IFNGR1: variants seen among roughly 807,000 people sequenced by gnomAD.
The protein encoded by IFNGR1 is AVP, type 2.
A neutral mutation model predicts 35.4 loss-of-function variants in IFNGR1; 23 were observed. The observed-to-expected ratio is 0.65, with a 90% CI of 0.47 to 0.92. The LOEUF is 0.92. Among genes scored for constraint, IFNGR1 ranks in the 40% least tolerant of loss-of-function variants. The pLI is 0.00. For synonymous variants in IFNGR1, 199 were observed against 209.5 expected (o/e 0.95, Z 0.43); for missense variants, 533 against 583.4 (o/e 0.91, Z 0.89).
intron 3 of IFNGR1, 39 bp downstream of exon 3, chr6:137,206,097 T>C (rs1331638679): frequency 6.6e-7 from 1 of 1,519,014 alleles, no homozygotes; most frequent in East Asian, 2.3e-5. Flanking sequence ...TATAAATATT[T>C]TCCAATTTAA....
chr6:137,208,748 A>G (rs938670002), intron 1 of IFNGR1, among the ~76,000 whole-genome samples: 1 of 152,166 alleles, frequency 6.6e-6, no homozygotes, highest in Non-Finnish European at 1.5e-5. Context: ...CTCATGGAGA[A>G]CCTCTGCTAG....
At chr6:137,204,561 A>C (rs1779384463) in intron 3 of IFNGR1, 57 bp from the exon 4 acceptor site, 5 of 1,312,638 alleles carry the variant, frequency 3.8e-6, no homozygotes, top group South Asian at 1.2e-5. Context: ...TAAATGGTAC[A>C]TTTCATAAAA....
At position 137,197,517 on chromosome 6, in the gene IFNGR1, A is replaced by G. The variant is rs1361935379; in HGVS notation, c.*514T>C. ...AAAATTCTTTATTTAAAAATCTCTA[A>G]CTGTAATGTTTCATAAAAAATATAC... On this transcript the variant is annotated 3_prime_UTR_variant, in exon 7 of 7. Transcript: ENST00000367739. 6.6e-6 allele frequency: 1 copy of G among 152,564 alleles called. No homozygotes were observed. The highest frequency in any genetic ancestry group is 2.4e-5 in the African/African-American group (1 of 41,376). The allele number at this position is 152,564 out of a possible 1,614,324, so 9.5% of individuals were successfully genotyped here. A position where few individuals can be genotyped will look rare whatever the true frequency, so the allele number is the denominator to read the frequency against.
chr6:137,200,740 T>C, intron 6 of IFNGR1, 141 bp downstream of exon 6: 1 of 724,310 alleles, frequency 1.4e-6, no homozygotes, highest in East Asian at 2.9e-5. Flanking sequence ...GTATGTGATT[T>C]TGCATGTGTG....
At chr6:137,200,541 A>C (rs1370738939) in intron 6 of IFNGR1, among the ~76,000 whole-genome samples, 1 of 152,004 alleles carries the variant, frequency 6.6e-6, no homozygotes, top group African/African-American at 2.4e-5. Flanking sequence ...GACTAACCCC[A>C]CCCCAAAGCT....
chr6:137,217,488 T>A (rs909946983), intron 1 of IFNGR1, among the ~76,000 whole-genome samples: 1 of 152,190 alleles, frequency 6.6e-6, no homozygotes, highest in Non-Finnish European at 1.5e-5. Context: ...TGAACCTAGC[T>A]GGGCAAATCA....
chr6:137,214,280 G>C (rs1437238237), intron 1 of IFNGR1, among the ~76,000 whole-genome samples: 1 of 152,086 alleles, frequency 6.6e-6, no homozygotes, highest in African/African-American at 2.4e-5. Flanking sequence ...ACCAAATCAA[G>C]GCCTTTGTAT....
intron 1 of IFNGR1, among the ~76,000 whole-genome samples, chr6:137,209,512 A>G (rs1282415080): frequency 6.6e-6 from 1 of 152,072 alleles, no homozygotes; most frequent in African/African-American, 2.4e-5. Context: ...ATAGTGAGTA[A>G]GTCTCACGAG....
At chr6:137,198,669 A>G (rs1340343452) in intron 6 of IFNGR1, 30 bp from the exon 7 acceptor site, 2 of 1,578,632 alleles carry the variant, frequency 1.3e-6, no homozygotes, top group Non-Finnish European at 1.7e-6. Flanking sequence ...TTAAAGATAA[A>G]AAATTGTTAA....
intron 5 of IFNGR1, among the ~76,000 whole-genome samples, chr6:137,201,305 A>G (rs1374638826): frequency 6.6e-6 from 1 of 152,184 alleles, no homozygotes; most frequent in Non-Finnish European, 1.5e-5. Context: ...CCCTACATAC[A>G]GTGTGTTTCC....
In IFNGR1 at chr6:137,197,818, C is replaced by CTTTTTT; in HGVS notation, c.*207_*212dup. On this transcript the variant is annotated 3_prime_UTR_variant, in exon 7 of 7. Coordinates refer to ENST00000367739, the MANE Select transcript of IFNGR1 (RefSeq NM_000416.3). ...ATGTAAAGGTTCATAAGTTACAATGCTTTTTTTGTTTAAAAAAAAAAAAAA... is the reference window on the plus strand; with the variant it reads ...ATGTAAAGGTTCATAAGTTACAATGCTTTTTTTTTTTTTGTTTAAAAAAAAAAAAAA... 3 of 541,858 alleles carry CTTTTTT rather than the reference C, an allele frequency of 5.5e-6. No individual in the cohort carries two copies. Among genetic ancestry groups the CTTTTTT allele is most frequent in the Non-Finnish European group, 3.2e-6 (1 of 312,482 alleles). The allele number at this position is 541,858 out of a possible 1,614,324, so 33.6% of individuals were successfully genotyped here. A position where few individuals can be genotyped will look rare whatever the true frequency, so the allele number is the denominator to read the frequency against.
At chr6:137,216,426 GCA>G (rs1779697988) in intron 1 of IFNGR1, among the ~76,000 whole-genome samples, 1 of 152,196 alleles carries the variant, frequency 6.6e-6, no homozygotes, top group Admixed American at 6.5e-5. Flanking sequence ...TGATTAAGTG[GCA>G]CACACAGATT....
rs768232887 is a variant in IFNGR1, at chr6:137,219,251, G to A, written c.77C>T (p.Pro26Leu). The change falls in exon 1 of 7, where the codon CCG (proline) becomes CTG (leucine). Residue 26 changes from proline to leucine, a missense_variant. Pro to Leu is a moderately conservative substitution (Grantham distance 98). Coordinates refer to ENST00000367739, the MANE Select transcript of IFNGR1 (RefSeq NM_000416.3). ...RAEMGTADLG[P>L]SSVPTPTNVT... is the part of the protein sequence containing the mutation. ...GCCGCGAACGACGGTACCTGAGGAC[G>A]GCCCCAGATCCGCGGTGCCCATCTC... 3.5e-5 allele frequency: 56 copies of A among 1,610,292 alleles called. No homozygotes were observed. Among genetic ancestry groups the A allele is most frequent in the Non-Finnish European group, 4.3e-5 (51 of 1,178,738 alleles).
chr6:137,197,596 T>A lies in IFNGR1; in HGVS notation c.*435A>T, dbSNP rs192214545. On this transcript the variant is annotated 3_prime_UTR_variant, in exon 7 of 7. Coordinates refer to ENST00000367739, the MANE Select transcript of IFNGR1 (RefSeq NM_000416.3). ...CTATTAGTTTGAATTAGATTTTAAG[T>A]CCAATTTTGAAAAGCTTGCAGAATT... is the stretch of plus-strand genomic sequence containing the variant. The A allele has an allele frequency of 6.4e-6, 1 of 155,526 alleles. No homozygotes were observed. The highest frequency in any genetic ancestry group is 1.9e-4 in the East Asian group (1 of 5,310). 9.6% of individuals were successfully genotyped at this position (155,526 alleles called of 1,614,324 possible). A position where few individuals can be genotyped will look rare whatever the true frequency, so the allele number is the denominator to read the frequency against.
intron 1 of IFNGR1, among the ~76,000 whole-genome samples, chr6:137,208,271 T>C (rs762477227): frequency 1.3e-5 from 2 of 152,214 alleles, no homozygotes; most frequent in African/African-American, 2.4e-5. Context: ...ATTTGCAGCC[T>C]GACTATGAGA....
At chr6:137,210,969 A>C (rs1478374001) in intron 1 of IFNGR1, among the ~76,000 whole-genome samples, 1 of 152,222 alleles carries the variant, frequency 6.6e-6, no homozygotes, top group African/African-American at 2.4e-5. Flanking sequence ...ATGGACAATT[A>C]AATGCTATCA....
intron 3 of IFNGR1, among the ~76,000 whole-genome samples, chr6:137,204,719 T>A (rs748579535): frequency 1.3e-5 from 2 of 152,228 alleles, no homozygotes; most frequent in African/African-American, 2.4e-5. Flanking sequence ...GAAGTACTCT[T>A]ATTTAATCTG....
intron 1 of IFNGR1, chr6:137,218,602 C>A: frequency 1.3e-6 from 1 of 773,076 alleles, no homozygotes; most frequent in Non-Finnish European, 1.8e-6. Flanking sequence ...CCCCCCCCAC[C>A]CCCGCTAAGA....
intron 5 of IFNGR1, 122 bp downstream of exon 5, chr6:137,203,377 T>G (rs1284322367): frequency 7.1e-6 from 5 of 702,278 alleles, no homozygotes; most frequent in African/African-American, 1.8e-5. Flanking sequence ...GGAATGGAAC[T>G]AATGCAAATG....
Sources: gnomAD v4.1 joint callset for allele counts (sites outside exome capture counted in the v4.1 genomes callset) on GRCh38, gnomAD v4.1.1 for gene constraint, MANE v1.5 for transcripts, NCBI Gene and HGNC (gene_info 2026-07-23, HGNC 2026-07-21) for gene names.